Variants in LONP1 observed in about 807,000 individuals in gnomAD.
LONP1 encodes lon protease homolog, mitochondrial.
LONP1 carries 31 observed loss-of-function variants against 98.5 expected under a neutral mutation model. The observed-to-expected ratio is 0.31, with a 90% CI of 0.24 to 0.42. The LOEUF (loss-of-function observed/expected upper bound fraction) is 0.42. Ranked by LOEUF, LONP1 falls within the 20% of genes least tolerant of loss-of-function variation. LONP1 has a pLI of 1.00. For missense variants in LONP1, 1,336 were observed against 1,350.6 expected (o/e 0.99, Z 0.17); for synonymous variants, 781 against 594.7 (o/e 1.31, Z -4.56).
intron 9 of LONP1, among the ~76,000 whole-genome samples, 161 bp from the exon 10 acceptor site, chr19:5,699,366 G>A (rs1055373031): frequency 1.3e-5 from 2 of 152,190 alleles, no homozygotes; most frequent in African/African-American, 4.8e-5. Context: ...CACTGGCCAC[G>A]GGGAGGGGCA....
chr19:5,697,630 T>G (rs1027338745), intron 10 of LONP1, among the ~76,000 whole-genome samples: 1 of 150,194 alleles, frequency 6.7e-6, no homozygotes, highest in African/African-American at 2.5e-5. Flanking sequence ...TGCGGGGTCC[T>G]GTGGGCTGCA....
intron 1 of LONP1, among the ~76,000 whole-genome samples, chr19:5,716,270 ATATATATAT>A (rs2055320057): frequency 2.3e-5 from 1 of 44,144 alleles, no homozygotes; most frequent in Non-Finnish European, 5.2e-5. Context: ...ATATATATAT[ATATATATAT>A]ATATATATAT....
intron 3 of LONP1, 38 bp from the exon 4 acceptor site, chr19:5,712,040 A>C: frequency 6.4e-7 from 1 of 1,557,616 alleles, no homozygotes; most frequent in Non-Finnish European, 8.8e-7. Flanking sequence ...TCAGCCGCTG[A>C]GGCTGGGAGC....
Position 5,691,843 on chromosome 19 carries a change from TGA to T in LONP1, c.*187_*188del. The T allele has an allele frequency of 1.2e-6, 1 of 810,376 alleles. No homozygotes were observed. The highest frequency in any genetic ancestry group is 1.9e-6 in the Non-Finnish European group (1 of 520,712). 50.2% of individuals were successfully genotyped at this position (810,376 alleles called of 1,614,324 possible). A position where few individuals can be genotyped will look rare whatever the true frequency, so the allele number is the denominator to read the frequency against. On this transcript the variant is annotated 3_prime_UTR_variant, in exon 18 of 18. Coordinates refer to ENST00000360614, the MANE Select transcript of LONP1 (RefSeq NM_004793.4). ...GGTGAGGAAGCCGCCGTACTGCAAA[TGA>T]CTTTAATCATTAAATAGCTTCTATG...
intron 1 of LONP1, among the ~76,000 whole-genome samples, chr19:5,716,581 A>G (rs553440308): frequency 0.019 from 2,955 of 151,632 alleles, 51 homozygotes; most frequent in East Asian, 0.036. Context: ...TTCCCAGAAA[A>G]AAAAAAGTCA....
chr19:5,714,618 CTTT>C (rs369231779), intron 1 of LONP1, among the ~76,000 whole-genome samples: 5 of 127,846 alleles, frequency 3.9e-5, no homozygotes, highest in African/African-American at 1.2e-4. Context: ...GGTAGCTTTT[CTTT>C]TTTTTTTTTT....
chr19:5,705,482 C>T (rs2145608126), intron 8 of LONP1, among the ~76,000 whole-genome samples: 1 of 150,468 alleles, frequency 6.6e-6, no homozygotes, highest in Non-Finnish European at 1.5e-5. Context: ...AAAAAAGCAG[C>T]CCTGGCTTAG....
chr19:5,702,351 G>A (rs1380666094), intron 8 of LONP1, among the ~76,000 whole-genome samples: 1 of 148,324 alleles, frequency 6.7e-6, no homozygotes, highest in Non-Finnish European at 1.5e-5. Context: ...CCGGGAGGGA[G>A]GTGGGGGGGT....
At chr19:5,698,701 C>T (rs66724617) in intron 10 of LONP1, among the ~76,000 whole-genome samples, 29,936 of 152,210 alleles carry the variant, frequency 0.2, 3,189 homozygotes, top group Middle Eastern at 0.33. Flanking sequence ...AGCATCTGCA[C>T]GGCAAACGCC....
At chr19:5,714,756 T>A (rs1006989941) in intron 1 of LONP1, 1 of 152,254 alleles carries the variant, frequency 6.6e-6, no homozygotes, top group Non-Finnish European at 1.5e-5. Context: ...TAGCTGGGAT[T>A]ACAGGCGCCC....
chr19:5,717,951 G>A (rs74174339), intron 1 of LONP1, among the ~76,000 whole-genome samples: 13,342 of 132,922 alleles, frequency 0.1, 774 homozygotes, highest in South Asian at 0.24. Context: ...TTCAAATTAT[G>A]CTCCTGCCTC....
intron 1 of LONP1, 141 bp downstream of exon 1, chr19:5,719,563 G>C: frequency 6.7e-7 from 1 of 1,483,672 alleles, no homozygotes; most frequent in South Asian, 1.3e-5. Context: ...GTGGTGAGCA[G>C]ACAAGGATTC....
In LONP1 at chr19:5,705,562, C is replaced by T. The variant is rs190996204; in HGVS notation, c.1367+210G>A. ...TCACAGGCCCTGGCCACCAGCTCAACAGCCCCGAGCCTCGATTTCCTTGTA... is the reference window on the plus strand; with the variant it reads ...TCACAGGCCCTGGCCACCAGCTCAATAGCCCCGAGCCTCGATTTCCTTGTA... On this transcript the variant is annotated intron_variant, in intron 8 of 17. Coordinates refer to ENST00000360614, the MANE Select transcript of LONP1 (RefSeq NM_004793.4). Among the ~76,000 whole-genome samples the T allele has an allele frequency of 1.3e-3, 199 of 151,984 alleles. 1 individual carries two copies. Among genetic ancestry groups the T allele is most frequent in the Non-Finnish European group, 2.1e-3 (144 of 67,986 alleles).
At chr19:5,707,030 A>G (rs1159488415) in intron 7 of LONP1, 30 bp downstream of exon 7, 1 of 1,589,380 alleles carries the variant, frequency 6.3e-7, no homozygotes, top group African/African-American at 1.3e-5. Flanking sequence ...AAGGCCCCCA[A>G]GAGTGGCTGC....
chr19:5,712,089 C>A, intron 3 of LONP1, 87 bp from the exon 4 acceptor site: 1 of 1,138,588 alleles, frequency 8.8e-7, no homozygotes, highest in Non-Finnish European at 1.2e-6. Context: ...ACAGGTGGTC[C>A]AAGGGTCCCG....
At chr19:5,705,389 C>CG (rs1191462408) in intron 8 of LONP1, among the ~76,000 whole-genome samples, 2 of 145,034 alleles carry the variant, frequency 1.4e-5, no homozygotes, top group Non-Finnish European at 3.0e-5. Flanking sequence ...ACCCGCAAAG[C>CG]GGAAGTTGCA....
chr19:5,695,652 C>T (rs1009423677), intron 13 of LONP1, among the ~76,000 whole-genome samples: 1 of 152,182 alleles, frequency 6.6e-6, no homozygotes, highest in Non-Finnish European at 1.5e-5. Flanking sequence ...AAATATGGGC[C>T]CCTGCATGCT....
Position 5,692,122 on chromosome 19 carries a change from G to A in LONP1, c.2790C>T (p.Gly930=). 1.2e-6 allele frequency: 2 copies of A among 1,608,160 alleles called. No homozygotes were observed. The highest frequency in any genetic ancestry group is 1.7e-6 in the Non-Finnish European group (2 of 1,176,180). The stretch of plus-strand genomic sequence containing the variant: ...AGTGTTCCACGAAGTGCACCTCCAG[G>A]CCCTCGGTGATGAAGGCTGCCAGGT... ...FYDLAAFITE[G]LEVHFVEHYR... is the part of the protein sequence containing the mutation. Residue 930 remains glycine, a synonymous_variant, in exon 18 of 18, where the codon GGC becomes GGT. Coordinates refer to ENST00000360614, the MANE Select transcript of LONP1 (RefSeq NM_004793.4).
intron 7 of LONP1, among the ~76,000 whole-genome samples, 154 bp downstream of exon 7, chr19:5,706,906 G>C (rs2055154306): frequency 6.6e-6 from 1 of 152,246 alleles, no homozygotes; most frequent in Admixed American, 6.5e-5. Context: ...CGACAGAGCA[G>C]ATGATGGCAC....
Sources: gnomAD v4.1 joint callset for allele counts (sites outside exome capture counted in the v4.1 genomes callset) on GRCh38, gnomAD v4.1.1 for gene constraint, MANE v1.5 for transcripts, NCBI Gene and HGNC (gene_info 2026-07-23, HGNC 2026-07-21) for gene names.